ARHGEF28: variants seen among roughly 807,000 people sequenced by gnomAD.
ARHGEF28 encodes 190 kDa guanine nucleotide exchange factor.
A neutral mutation model predicts 206.6 loss-of-function variants in ARHGEF28; 152 were observed. The observed-to-expected ratio is 0.74, with a 90% CI of 0.64 to 0.84. The LOEUF is 0.84. Ranked by LOEUF, ARHGEF28 falls within the 40% of genes least tolerant of loss-of-function variation. ARHGEF28 has a pLI of 0.00. For synonymous variants in ARHGEF28, 763 were observed against 776.4 expected (o/e 0.98, Z 0.29); for missense variants, 2,028 against 2,073.2 (o/e 0.98, Z 0.42).
intron 4 of ARHGEF28, among the ~76,000 whole-genome samples, chr5:73,770,339 G>A (rs995359781): frequency 5.9e-5 from 9 of 152,178 alleles, no homozygotes; most frequent in African/African-American, 2.2e-4. Context: ...TTGGACTCCT[G>A]TTATGCAGTA....
intron 1 of ARHGEF28, among the ~76,000 whole-genome samples, chr5:73,667,639 C>A (rs1468114019): frequency 6.6e-6 from 1 of 152,174 alleles, no homozygotes; most frequent in Non-Finnish European, 1.5e-5. Context: ...AGTATTCTTT[C>A]CTGGACAGCT....
At chr5:73,756,191 C>T (rs1287917572) in intron 4 of ARHGEF28, among the ~76,000 whole-genome samples, 2 of 152,106 alleles carry the variant, frequency 1.3e-5, no homozygotes, top group Non-Finnish European at 2.9e-5. Context: ...TATGGCAAGA[C>T]CTCTAGAAGA....
intron 3 of ARHGEF28, among the ~76,000 whole-genome samples, chr5:73,751,105 A>G (rs1273262487): frequency 6.6e-6 from 1 of 152,210 alleles, no homozygotes; most frequent in East Asian, 1.9e-4. Context: ...AAAGAAAGAA[A>G]AGACAGTCAA....
intron 4 of ARHGEF28, among the ~76,000 whole-genome samples, chr5:73,768,533 T>C (rs945499087): frequency 2.0e-5 from 3 of 152,310 alleles, no homozygotes; most frequent in East Asian, 1.9e-4. Flanking sequence ...GCGTAGGGCC[T>C]GTAGCCTCTT....
At chr5:73,900,960 C>T (rs993637272) in intron 30 of ARHGEF28, 10 of 426,384 alleles carry the variant, frequency 2.3e-5, no homozygotes, top group East Asian at 8.6e-5. Flanking sequence ...ATACTTTGTG[C>T]GGTTCGTCAG....
At chr5:73,640,703 G>A (rs1044539723) in intron 1 of ARHGEF28, among the ~76,000 whole-genome samples, 16 of 152,100 alleles carry the variant, frequency 1.1e-4, no homozygotes, top group African/African-American at 3.1e-4. Context: ...CCTCATCTAT[G>A]AAATGGGAAT....
chr5:73,919,181 G>A (rs561056407), intron 35 of ARHGEF28, among the ~76,000 whole-genome samples: 6 of 152,312 alleles, frequency 3.9e-5, no homozygotes, highest in South Asian at 2.1e-4. Context: ...AATGTATTCC[G>A]ATTGTGATTC....
intron 9 of ARHGEF28, among the ~76,000 whole-genome samples, chr5:73,800,236 G>A (rs780522099): frequency 2.0e-5 from 3 of 152,084 alleles, no homozygotes; most frequent in African/African-American, 7.2e-5. Context: ...TTATTCATTT[G>A]ACATATTCCA....
rs565721064 is a variant in ARHGEF28 at position 73,929,006 on chromosome 5, G to C, written c.4949-11838G>C. On this transcript the variant is annotated intron_variant, in intron 35 of 35. Coordinates refer to ENST00000513042, the MANE Select transcript of ARHGEF28 (RefSeq NM_001177693.2). ...GCTGGAGTGTAGCGGTGTGATCTCA[G>C]CTCACTGCAAGATCCGCCTCCCAGG... Among the ~76,000 whole-genome samples, 192 of 152,250 alleles carry C rather than the reference G, an allele frequency of 1.3e-3. 1 individual carries two copies. Among genetic ancestry groups the C allele is most frequent in the African/African-American group, 4.4e-3 (181 of 41,528 alleles).
At chr5:73,790,578 C>G (rs547203887) in intron 7 of ARHGEF28, among the ~76,000 whole-genome samples, 3 of 151,478 alleles carry the variant, frequency 2.0e-5, no homozygotes, top group Non-Finnish European at 4.4e-5. Context: ...ACTGATAAGT[C>G]TCATTTTGAT....
chr5:73,799,593 C>T (rs1755016638), intron 9 of ARHGEF28, among the ~76,000 whole-genome samples: 1 of 152,172 alleles, frequency 6.6e-6, no homozygotes, highest in Non-Finnish European at 1.5e-5. Context: ...TGTGGTGACA[C>T]TCATACTGAA....
chr5:73,792,235 A>G (rs1368453223), intron 7 of ARHGEF28, among the ~76,000 whole-genome samples: 1 of 152,202 alleles, frequency 6.6e-6, no homozygotes, highest in East Asian at 1.9e-4. Context: ...ATTTTAATAT[A>G]GTTTGTGGTA....
chr5:73,751,752 G>T (rs1752029053), intron 3 of ARHGEF28, among the ~76,000 whole-genome samples: 2 of 152,086 alleles, frequency 1.3e-5, no homozygotes, highest in Admixed American at 1.3e-4. Context: ...GAATCTAGAG[G>T]CAGGTGACAG....
At chr5:73,920,571 A>T (rs1451827423) in intron 35 of ARHGEF28, among the ~76,000 whole-genome samples, 2 of 101,644 alleles carry the variant, frequency 2.0e-5, no homozygotes, top group African/African-American at 3.7e-5. Context: ...TTTTTTTGAG[A>T]CGGAGTCTCA....
intron 35 of ARHGEF28, among the ~76,000 whole-genome samples, chr5:73,913,793 T>C (rs1049625981): frequency 6.6e-6 from 1 of 152,216 alleles, no homozygotes; most frequent in African/African-American, 2.4e-5. Flanking sequence ...TTGCCTATAA[T>C]GTTGTGGGCT....
chr5:73,909,368 T>C (rs764361720), intron 33 of ARHGEF28, 44 bp from the exon 34 acceptor site: 1 of 1,549,628 alleles, frequency 6.5e-7, no homozygotes, highest in South Asian at 1.2e-5. Context: ...ACAATAACCA[T>C]GGAACCTTGT....
chr5:73,633,143 G>A (rs1561298048), intron 1 of ARHGEF28, among the ~76,000 whole-genome samples: 1 of 152,056 alleles, frequency 6.6e-6, no homozygotes, highest in Admixed American at 6.6e-5. Flanking sequence ...GCCACTGCTC[G>A]GACGGGAGGT....
chr5:73,910,381 C>CAAAAAAAA (rs60086897), intron 34 of ARHGEF28, among the ~76,000 whole-genome samples: 5 of 30,998 alleles, frequency 1.6e-4, no homozygotes, highest in Non-Finnish European at 2.1e-4. Context: ...AACACCATCT[C>CAAAAAAAA]AAAAAAAAAA....
intron 22 of ARHGEF28, among the ~76,000 whole-genome samples, chr5:73,874,555 TC>T (rs1424508906): frequency 3.9e-5 from 1 of 25,830 alleles, no homozygotes; most frequent in Non-Finnish European, 7.0e-5. Flanking sequence ...ATGCTATCCC[TC>T]CCCCCTCCCC....
Sources: gnomAD v4.1 joint callset for allele counts (sites outside exome capture counted in the v4.1 genomes callset) on GRCh38, gnomAD v4.1.1 for gene constraint, MANE v1.5 for transcripts, NCBI Gene and HGNC (gene_info 2026-07-23, HGNC 2026-07-21) for gene names.